The following CSPP1 variants were observed in gnomAD, a reference collection of about 807,000 sequenced individuals.
CSPP1 encodes centrosome and spindle pole-associated protein 1.
A neutral mutation model predicts 164.4 loss-of-function variants in CSPP1; 126 were observed. The ratio of observed to expected loss-of-function variants is 0.77; its 90% CI spans 0.66 to 0.89. CSPP1 has a LOEUF of 0.89. Among genes scored for constraint, CSPP1 ranks in the 40% least tolerant of loss-of-function variants. The probability of loss-of-function intolerance (pLI) is 0.00; values close to 1 mark genes in which losing one functional copy is unlikely to be tolerated. For missense variants in CSPP1, 1,395 were observed against 1,449.8 expected, an observed-to-expected ratio of 0.96 and a Z score of 0.61; for synonymous variants, 472 against 476.7, an observed-to-expected ratio of 0.99 and a Z score of 0.13.
chr8:67,084,872 T>C (rs1810054378), intron 3 of CSPP1, among the ~76,000 whole-genome samples: 1 of 152,210 alleles, frequency 6.6e-6, no homozygotes, highest in Non-Finnish European at 1.5e-5. Flanking sequence ...CTAATGTCTA[T>C]GCTTCTTGAC....
intron 13 of CSPP1, among the ~76,000 whole-genome samples, 173 bp from the exon 14 acceptor site, chr8:67,118,075 T>C (rs1487130235): frequency 6.6e-6 from 1 of 152,146 alleles, no homozygotes; most frequent in Non-Finnish European, 1.5e-5. Flanking sequence ...TCCTATGTAA[T>C]AGTATTTGCT....
chr8:67,115,786 A>G (rs773865181), intron 12 of CSPP1, 128 bp from the exon 13 acceptor site: 1 of 613,202 alleles, frequency 1.6e-6, no homozygotes, highest in Non-Finnish European at 2.9e-6. Flanking sequence ...AGAGTCTTTT[A>G]TAGCTGTAAA....
chr8:67,158,792 A>G (rs1827159471), intron 20 of CSPP1, among the ~76,000 whole-genome samples, 196 bp downstream of exon 20: 1 of 152,202 alleles, frequency 6.6e-6, no homozygotes, highest in Non-Finnish European at 1.5e-5. Context: ...GATGACTTTA[A>G]AAATATAGAT....
At chr8:67,195,146 C>T (rs966167113) in intron 30 of CSPP1, among the ~76,000 whole-genome samples, 7 of 152,144 alleles carry the variant, frequency 4.6e-5, no homozygotes, top group African/African-American at 7.2e-5. Flanking sequence ...ATGGAGTCAG[C>T]TTACTCAGTT....
Position 67,173,802 on chromosome 8 carries a change from C to T in CSPP1, c.2968+1247C>T, listed in dbSNP as rs78889023. ...TACTATCTGCCAGGCATTGTGTTAA[C>T]CCAGTGGGTCTCATGAGGAGTTTGG... On this transcript the variant is annotated intron_variant, in intron 25 of 30. Coordinates refer to ENST00000678616, the MANE Select transcript of CSPP1 (RefSeq NM_001382391.1). The T allele has an allele frequency of 7.3e-3, 1,112 of 152,272 alleles. 16 individuals carry two copies. Among genetic ancestry groups the T allele is most frequent in the African/African-American group, 0.026 (1,063 of 41,546 alleles). 9.4% of individuals were successfully genotyped at this position (152,272 alleles called of 1,614,324 possible).
At chr8:67,075,138 G>A (rs1277891686) in intron 2 of CSPP1, among the ~76,000 whole-genome samples, 1 of 152,134 alleles carries the variant, frequency 6.6e-6, no homozygotes, top group African/African-American at 2.4e-5. Context: ...TCCTTGTTTA[G>A]GTGAAACTGA....
At chr8:67,088,772 C>CTG (rs1810977873) in intron 4 of CSPP1, among the ~76,000 whole-genome samples, 2 of 151,474 alleles carry the variant, frequency 1.3e-5, no homozygotes, top group Non-Finnish European at 2.9e-5. Flanking sequence ...TGGCAGGCGC[C>CTG]TGTAGTCCCA....
rs551404712 is a variant in CSPP1 at position 67,102,439 on chromosome 8, A to C, written c.924-598A>C. ...ACCCTGTCTCTACTAAAATACAAAA[A>C]ATTAGCCAGGTATGGTGGTGCGCGC... On this transcript the variant is annotated intron_variant, in intron 7 of 30. Coordinates refer to ENST00000678616, the MANE Select transcript of CSPP1 (RefSeq NM_001382391.1). 1.4e-4 allele frequency among the ~76,000 whole-genome samples: 21 copies of C among 152,278 alleles called. No homozygotes were observed. In the South Asian group the frequency reaches 4.1e-3, roughly 30 times the overall value.
intron 16 of CSPP1, among the ~76,000 whole-genome samples, chr8:67,136,526 G>A (rs1251937619): frequency 7.8e-5 from 10 of 128,606 alleles, no homozygotes; most frequent in Non-Finnish European, 1.1e-4. Context: ...CTGAGATCAC[G>A]CCACTGCACT....
intron 3 of CSPP1, among the ~76,000 whole-genome samples, chr8:67,082,672 A>C (rs1030905779): frequency 6.6e-6 from 1 of 152,218 alleles, no homozygotes; most frequent in Non-Finnish European, 1.5e-5. Context: ...ATTATGATGA[A>C]TGCTCTGTTA....
At chr8:67,192,857 T>C (rs371640631) in intron 29 of CSPP1, among the ~76,000 whole-genome samples, 2 of 152,220 alleles carry the variant, frequency 1.3e-5, no homozygotes, top group South Asian at 4.1e-4. Flanking sequence ...ACATGTCTTT[T>C]CTTATGTCAG....
intron 19 of CSPP1, among the ~76,000 whole-genome samples, chr8:67,157,256 G>A (rs1048838404): frequency 6.6e-6 from 1 of 152,020 alleles, no homozygotes; most frequent in African/African-American, 2.4e-5. Context: ...GTTGGAAAAA[G>A]CCCTAGTATA....
At chr8:67,078,608 G>T (rs1281815722) in intron 3 of CSPP1, among the ~76,000 whole-genome samples, 2 of 152,080 alleles carry the variant, frequency 1.3e-5, no homozygotes, top group Non-Finnish European at 2.9e-5. Context: ...CCATCCGCCT[G>T]CCTCGGCCTC....
chr8:67,073,189 C>G (rs1321390856), intron 1 of CSPP1, among the ~76,000 whole-genome samples: 1 of 152,086 alleles, frequency 6.6e-6, no homozygotes, highest in Non-Finnish European at 1.5e-5. Flanking sequence ...CTTTGAGGAA[C>G]AGTTTAGCAG....
chr8:67,128,261 G>A (rs571601500), intron 15 of CSPP1, among the ~76,000 whole-genome samples: 4 of 152,208 alleles, frequency 2.6e-5, no homozygotes, highest in South Asian at 2.1e-4. Flanking sequence ...TTTGTTGGCC[G>A]GGTGCAGTGG....
chr8:67,090,136 T>G (rs991425681), intron 4 of CSPP1, among the ~76,000 whole-genome samples: 1 of 152,152 alleles, frequency 6.6e-6, no homozygotes, highest in Admixed American at 6.5e-5. Flanking sequence ...AGGTTTATAG[T>G]GTACTTCAGT....
chr8:67,139,564 T>C (rs1455064767), intron 17 of CSPP1, among the ~76,000 whole-genome samples: 1 of 152,188 alleles, frequency 6.6e-6, no homozygotes, highest in East Asian at 1.9e-4. Flanking sequence ...TGCAGCACTG[T>C]TCACAATAGC....
chr8:67,108,011 G>A (rs897574686), intron 9 of CSPP1, among the ~76,000 whole-genome samples: 3 of 134,336 alleles, frequency 2.2e-5, no homozygotes, highest in Non-Finnish European at 4.7e-5. Flanking sequence ...TGTTTGGGTG[G>A]CTCAGAATAT....
At chr8:67,132,408 G>A (rs1706940021) in intron 16 of CSPP1, among the ~76,000 whole-genome samples, 1 of 152,210 alleles carries the variant, frequency 6.6e-6, no homozygotes, top group African/African-American at 2.4e-5. Context: ...CTAGCAGATT[G>A]TGAAGGACTA....
Sources: allele counts gnomAD v4.1 joint callset (sites outside exome capture counted in the v4.1 genomes callset), GRCh38; gene constraint gnomAD v4.1.1; transcripts MANE v1.5; gene names NCBI Gene and HGNC (gene_info 2026-07-23, HGNC 2026-07-21).